LAMA2: variants seen among roughly 807,000 people sequenced by gnomAD.
LAMA2 encodes the protein laminin subunit alpha-2.
LAMA2 carries 269 observed loss-of-function variants against 364.8 expected under a neutral mutation model. The observed-to-expected ratio is 0.74, with a 90% confidence interval of 0.67 to 0.82. The LOEUF (loss-of-function observed/expected upper bound fraction) is 0.82, where lower values mean the gene tolerates loss of function less well. Among genes scored for constraint, LAMA2 ranks in the 40% least tolerant of loss-of-function variants. LAMA2 has a pLI of 0.00. For missense variants in LAMA2, 3,807 were observed against 3,873.2 expected (o/e 0.98, Z 0.45); for synonymous variants, 1,379 against 1,370.6 (o/e 1.01, Z -0.14).
chr6:128,983,870 C>T (rs1325900380), intron 1 of LAMA2, among the ~76,000 whole-genome samples: 1 of 152,158 alleles, frequency 6.6e-6, no homozygotes, highest in Non-Finnish European at 1.5e-5. Context: ...CACATGGCTG[C>T]AGTTGCCATT....
chr6:129,173,501 T>A (rs1444268957), intron 9 of LAMA2, among the ~76,000 whole-genome samples: 2 of 152,216 alleles, frequency 1.3e-5, no homozygotes, highest in Non-Finnish European at 2.9e-5. Flanking sequence ...TCTTCACCAC[T>A]TGTCAGTGTC....
chr6:129,418,261 G>T (rs1194676078), intron 40 of LAMA2, among the ~76,000 whole-genome samples: 2 of 152,050 alleles, frequency 1.3e-5, no homozygotes, highest in African/African-American at 2.4e-5. Context: ...CCTCTCCCCA[G>T]GGAGCAGAAA....
intron 4 of LAMA2, among the ~76,000 whole-genome samples, chr6:129,139,225 T>C (rs1271557925): frequency 6.6e-6 from 1 of 152,014 alleles, no homozygotes; most frequent in Non-Finnish European, 1.5e-5. Flanking sequence ...AATGACCAAT[T>C]GTTGCATTGT....
chr6:129,494,710 A>T, intron 58 of LAMA2, among the ~76,000 whole-genome samples: 1 of 152,220 alleles, frequency 6.6e-6, no homozygotes, highest in East Asian at 1.9e-4. Flanking sequence ...AGTTGATTTC[A>T]TCCTAAAGCA....
At chr6:128,997,576 C>T (rs560683085) in intron 1 of LAMA2, among the ~76,000 whole-genome samples, 1 of 152,122 alleles carries the variant, frequency 6.6e-6, no homozygotes, top group African/African-American at 2.4e-5. Context: ...AGGTGGATCA[C>T]TTGAGGTCAG....
At chr6:129,260,215 T>G (rs1263324574) in intron 14 of LAMA2, among the ~76,000 whole-genome samples, 1 of 152,104 alleles carries the variant, frequency 6.6e-6, no homozygotes, top group Non-Finnish European at 1.5e-5. Flanking sequence ...AAAGTTTAGC[T>G]TATACCAACT....
chr6:129,034,470 CT>C (rs1786470670), intron 1 of LAMA2, among the ~76,000 whole-genome samples: 1 of 151,210 alleles, frequency 6.6e-6, no homozygotes, highest in Admixed American at 6.6e-5. Context: ...TTCTTTTTTC[CT>C]TTTTCTTTTT....
At position 129,464,337 on chromosome 6, in the gene LAMA2, G is replaced by GT; in HGVS notation, c.7042dup (p.Tyr2348LeufsTer48). ...GGGACTATTCAATTTGATGGAGAAG[G>GT]TTATGCATTGGTCAGCCGTCCCATT... On this transcript the variant is annotated frameshift_variant, in exon 50 of 65. Transcript: ENST00000421865. LOFTEE classifies it high-confidence loss of function. 1.9e-6 allele frequency: 3 copies of GT among 1,612,154 alleles called. No individual in the cohort carries two copies. The highest frequency in any genetic ancestry group is 2.5e-6 in the Non-Finnish European group (3 of 1,178,646).
At position 129,191,382 on chromosome 6, in the gene LAMA2, T is replaced by C. The variant is rs527612525; in HGVS notation, c.1608+1037T>C. Among the ~76,000 whole-genome samples, 210 of 152,348 alleles carry C rather than the reference T, an allele frequency of 1.4e-3. 2 individuals are homozygous for C. The highest frequency in any genetic ancestry group is 4.9e-3 in the African/African-American group (205 of 41,592). On this transcript the variant is annotated intron_variant, in intron 11 of 64. Transcript: ENST00000421865. ...TATTATCTATACGTTATCAACTGTA[T>C]TGCTTTCAGAGCAGACTTCAAAGAA...
At chr6:129,098,446 A>G (rs371657321) in intron 4 of LAMA2, 31 bp downstream of exon 4, 1 of 1,612,502 alleles carries the variant, frequency 6.2e-7, no homozygotes, top group Non-Finnish European at 8.5e-7. Flanking sequence ...ATTTAAGCAC[A>G]TTTGATACGG....
chr6:129,486,761 C>T, intron 56 of LAMA2, 139 bp downstream of exon 56: 5 of 825,212 alleles, frequency 6.1e-6, no homozygotes, highest in Non-Finnish European at 6.1e-6. Context: ...AGCTTAATTC[C>T]CTCTTCTTTA....
intron 41 of LAMA2, among the ~76,000 whole-genome samples, chr6:129,428,238 G>A (rs377104205): frequency 4.6e-5 from 7 of 152,132 alleles, no homozygotes; most frequent in South Asian, 2.1e-4. Flanking sequence ...GAGACCAGCC[G>A]GGGAAACATA....
intron 7 of LAMA2, among the ~76,000 whole-genome samples, chr6:129,152,178 A>C (rs1466925728): frequency 6.6e-6 from 1 of 152,232 alleles, no homozygotes; most frequent in Non-Finnish European, 1.5e-5. Flanking sequence ...TTGTAAAAAG[A>C]TAATGACACT....
chr6:129,474,308 G>A (rs1437997117), intron 52 of LAMA2, among the ~76,000 whole-genome samples: 1 of 152,056 alleles, frequency 6.6e-6, no homozygotes, highest in Non-Finnish European at 1.5e-5. Flanking sequence ...CAGCTAGTGT[G>A]CAGGCTGAAA....
At chr6:129,069,162 A>G (rs908354280) in intron 3 of LAMA2, among the ~76,000 whole-genome samples, 17 of 152,004 alleles carry the variant, frequency 1.1e-4, no homozygotes, top group African/African-American at 4.1e-4. Flanking sequence ...ATCTGTGAGG[A>G]AAGAGCTGTT....
chr6:128,898,089 T>G (rs1168029393), intron 1 of LAMA2, among the ~76,000 whole-genome samples: 4 of 152,236 alleles, frequency 2.6e-5, no homozygotes, highest in African/African-American at 9.6e-5. Context: ...GTATTTAATT[T>G]GTATTCAGAA....
chr6:129,312,654 G>A (rs1026719346), intron 22 of LAMA2, among the ~76,000 whole-genome samples: 2 of 152,140 alleles, frequency 1.3e-5, no homozygotes, highest in African/African-American at 4.8e-5. Flanking sequence ...GTTTCTGGAC[G>A]ATCATATATT....
At chr6:129,094,799 A>C (rs1775070809) in intron 3 of LAMA2, among the ~76,000 whole-genome samples, 1 of 152,158 alleles carries the variant, frequency 6.6e-6, no homozygotes, top group African/African-American at 2.4e-5. Flanking sequence ...TCATTATCTC[A>C]TTATCTCTTC....
intron 63 of LAMA2, among the ~76,000 whole-genome samples, chr6:129,513,926 A>T (rs1001871445): frequency 1.3e-5 from 2 of 152,360 alleles, no homozygotes; most frequent in Middle Eastern, 6.8e-3. Flanking sequence ...AAAGTTTAAA[A>T]TTTAAAAAAT....
Sources: allele counts gnomAD v4.1 joint callset (sites outside exome capture counted in the v4.1 genomes callset), GRCh38; gene constraint gnomAD v4.1.1; transcripts MANE v1.5; gene names NCBI Gene and HGNC (gene_info 2026-07-23, HGNC 2026-07-21).